Variants in SUCO observed in about 807,000 individuals in gnomAD.
The protein encoded by SUCO is SUN domain containing ossification factor.
A neutral mutation model predicts 148.1 loss-of-function variants in SUCO; 57 were observed. The observed-to-expected ratio is 0.38, with a 90% CI of 0.31 to 0.48. The LOEUF is 0.48. SUCO is among the 20% of genes least tolerant of loss of function. The probability of loss-of-function intolerance (pLI) is 0.96; values close to 1 mark genes in which losing one functional copy is unlikely to be tolerated. For missense variants in SUCO, 1,331 were observed against 1,468.2 expected (o/e 0.91, Z 1.53); for synonymous variants, 470 against 502.7 (o/e 0.93, Z 0.87).
chr1:172,610,317 CTG>C lies in SUCO; in HGVS notation c.*60_*61del. 1 of 1,511,326 alleles carries C rather than the reference CTG, an allele frequency of 6.6e-7. No individual in the cohort carries two copies. The highest frequency in any genetic ancestry group is 8.8e-7 in the Non-Finnish European group (1 of 1,133,648). The allele number at this position is 1,511,326 out of a possible 1,614,324, so 93.6% of individuals were successfully genotyped here. A position where few individuals can be genotyped will look rare whatever the true frequency, so the allele number is the denominator to read the frequency against. On this transcript the variant is annotated 3_prime_UTR_variant, in exon 24 of 24. Coordinates refer to ENST00000263688, the MANE Select transcript of SUCO (RefSeq NM_014283.5). ...TTGTTGTTGTTCTTTGAAGAACAGT[CTG>C]TAGTATTTGAAGGGTTTGGGGGAGG...
intron 9 of SUCO, among the ~76,000 whole-genome samples, chr1:172,572,418 T>G (rs1444448198): frequency 6.6e-6 from 1 of 151,918 alleles, no homozygotes; most frequent in African/African-American, 2.4e-5. Flanking sequence ...CTGTGCTCCC[T>G]GAAACATGTG....
chr1:172,586,461 G>C (rs1301902761), intron 17 of SUCO, among the ~76,000 whole-genome samples: 1 of 152,048 alleles, frequency 6.6e-6, no homozygotes, highest in Admixed American at 6.6e-5. Flanking sequence ...CTTTGGGCAG[G>C]GATGTATCTA....
At position 172,560,063 on chromosome 1, in the gene SUCO, G is replaced by A. The variant is rs192256735; in HGVS notation, c.732+2269G>A. On this transcript the variant is annotated intron_variant, in intron 6 of 23. Transcript: ENST00000263688. ...ACAGTGTAGGCCCTGTCTAGCACCA[G>A]ATGAGTGAAAATCTTTGGATAACTG... Among the ~76,000 whole-genome samples the A allele has an allele frequency of 3.2e-3, 490 of 152,338 alleles. 2 individuals carry two copies. Among genetic ancestry groups the A allele is most frequent in the Non-Finnish European group, 5.6e-3 (384 of 68,028 alleles).
chr1:172,602,531 A>T, intron 21 of SUCO, 165 bp from the exon 22 acceptor site: 17 of 983,986 alleles, frequency 1.7e-5, no homozygotes, highest in Non-Finnish European at 2.1e-5. Context: ...TTAGACAAAG[A>T]TCTCTAAATT....
rs748559317 is a variant in SUCO at position 172,588,779 on chromosome 1, C to T, written c.1678C>T (p.His560Tyr). ...PSPEYVTTEV[H>Y]THDMEPSTPD... ...TTCTAGGTATGTAACCACTGAAGTA[C>T]ACACACATGACATGGAGCCGTCAAC... Residue 560 changes from histidine (H) to tyrosine (Y), a missense_variant, in exon 18 of 24, where the codon CAC becomes TAC. By Grantham distance (83) the His-to-Tyr change is moderately conservative. This residue lies in a region of SUCO where 992 missense variants were observed against 1,093.5 expected (regional missense o/e 0.91). Coordinates refer to ENST00000263688, the MANE Select transcript of SUCO (RefSeq NM_014283.5). The T allele has an allele frequency of 1.3e-6, 2 of 1,533,186 alleles. No homozygotes were observed. Among genetic ancestry groups the T allele is most frequent in the South Asian group, 2.6e-5 (2 of 76,522 alleles). The allele number at this position is 1,533,186 out of a possible 1,614,324, so 95.0% of individuals were successfully genotyped here.
intron 16 of SUCO, 183 bp downstream of exon 16, chr1:172,585,269 T>G (rs1287782993): frequency 2.6e-6 from 1 of 384,796 alleles, no homozygotes; most frequent in Non-Finnish European, 3.6e-6. Context: ...TTCTGTTTTA[T>G]AAAAGAATAC....
chr1:172,562,010 C>T (rs1472414958), intron 6 of SUCO, among the ~76,000 whole-genome samples: 4 of 152,108 alleles, frequency 2.6e-5, no homozygotes, highest in African/African-American at 9.7e-5. Flanking sequence ...TACCAGCCCC[C>T]CAAACACTTC....
Position 172,591,038 on chromosome 1 carries a change from A to G in SUCO, c.2880A>G (p.Lys960=), listed in dbSNP as rs1656616226. The G allele has an allele frequency of 6.2e-7, 1 of 1,612,074 alleles. No homozygotes were observed. The change falls in exon 19 of 24, where the codon AAA becomes AAG. Residue 960 remains lysine, a synonymous_variant. Transcript: ENST00000263688. The part of the protein sequence containing the change: ...MQKAFNKTIV[K]LQNTSRIAEE... ...AGGCTTTCAATAAAACAATCGTGAA[A>G]CTTCAGAATACTTCAAGAATAGCAG... is the stretch of plus-strand genomic sequence containing the variant.
upstream of SUCO, chr1:172,532,384 A>G (rs916651372): frequency 4.1e-6 from 4 of 975,550 alleles, no homozygotes; most frequent in Non-Finnish European, 6.0e-6. Flanking sequence ...AAAAGCAACG[A>G]AGCACACTTA....
At chr1:172,576,948 A>G (rs1363146897) in intron 11 of SUCO, 2 of 698,928 alleles carry the variant, frequency 2.9e-6, no homozygotes, top group African/African-American at 1.9e-5. Flanking sequence ...TTTTAATAGC[A>G]TACATTCGAA....
At chr1:172,579,732 C>G (rs1209729103) in intron 15 of SUCO, among the ~76,000 whole-genome samples, 1 of 152,004 alleles carries the variant, frequency 6.6e-6, no homozygotes, top group Non-Finnish European at 1.5e-5. Flanking sequence ...TATACTGGTG[C>G]TTTAGTTTGT....
chr1:172,564,996 A>G (rs1364463287), intron 6 of SUCO, among the ~76,000 whole-genome samples: 1 of 152,194 alleles, frequency 6.6e-6, no homozygotes, highest in Admixed American at 6.5e-5. Context: ...AATTTTATAG[A>G]TGAGAATCAT....
chr1:172,569,733 T>C (rs1270647744), intron 7 of SUCO, among the ~76,000 whole-genome samples: 1 of 152,138 alleles, frequency 6.6e-6, no homozygotes, highest in African/African-American at 2.4e-5. Context: ...AAATACATCC[T>C]TAATAGATGT....
chr1:172,583,428 G>A (rs1023627504), intron 15 of SUCO, among the ~76,000 whole-genome samples: 5 of 152,132 alleles, frequency 3.3e-5, no homozygotes, highest in Non-Finnish European at 7.4e-5. Flanking sequence ...ATAATTTCGT[G>A]AAGATCAACA....
intron 6 of SUCO, among the ~76,000 whole-genome samples, chr1:172,566,867 G>A (rs537869160): frequency 2.6e-5 from 4 of 152,278 alleles, no homozygotes; most frequent in South Asian, 2.1e-4. Flanking sequence ...CATATGGTTC[G>A]GTGTCAGAGC....
chr1:172,602,564 A>G lies in SUCO; in HGVS notation c.3174-132A>G, dbSNP rs189086259. 8.9e-6 allele frequency: 13 copies of G among 1,457,512 alleles called. No homozygotes were observed. The African/African-American group carries it at 9.9e-5, about 11-fold the overall frequency. 90.3% of individuals were successfully genotyped at this position (1,457,512 alleles called of 1,614,324 possible). A position where few individuals can be genotyped will look rare whatever the true frequency, so the allele number is the denominator to read the frequency against. On this transcript the variant is annotated intron_variant, in intron 21 of 23. Transcript: ENST00000263688. ...ATTTTTTTTTCCACCTGTATTAGCA[A>G]TAACTGGAGTGTTAGAGTTAGTCCC...
chr1:172,555,105 G>A (rs190410181), intron 3 of SUCO, among the ~76,000 whole-genome samples: 195 of 152,106 alleles, frequency 1.3e-3, no homozygotes, highest in East Asian at 6.4e-3. Flanking sequence ...CCTACTGTGC[G>A]CTAGATACTG....
rs1653430417 is a variant in SUCO, at chr1:172,553,123, A to T, written c.178-137A>T. 1.0e-5 allele frequency: 10 copies of T among 952,910 alleles called. No homozygotes were observed. In the East Asian group the frequency reaches 2.8e-4, roughly 26 times the overall value. 59.0% of individuals were successfully genotyped at this position (952,910 alleles called of 1,614,324 possible). On this transcript the variant is annotated intron_variant, in intron 2 of 23. Transcript: ENST00000263688. ...GGAAATAGACAATAATCTTGTATAC[A>T]AATGAAATTAATTAGAGTCAAATAA... is the stretch of plus-strand genomic sequence containing the variant.
chr1:172,551,809 A>C (rs1341150457), intron 2 of SUCO, 183 bp downstream of exon 2: 2 of 519,670 alleles, frequency 3.8e-6, no homozygotes, highest in African/African-American at 2.0e-5. Context: ...TTATATGTTT[A>C]TTCTTGTTGC....
Sources: allele counts gnomAD v4.1 joint callset (sites outside exome capture counted in the v4.1 genomes callset), GRCh38; gene constraint gnomAD v4.1.1; regional missense constraint gnomAD v4.1.1; transcripts MANE v1.5; gene names NCBI Gene and HGNC (gene_info 2026-07-23, HGNC 2026-07-21).